Variants in TTBK2 observed in about 807,000 individuals in gnomAD.
TTBK2 encodes the protein tau tubulin kinase 2.
A neutral mutation model predicts 110.8 loss-of-function variants in TTBK2; 28 were observed. The observed-to-expected ratio is 0.25, with a 90% CI of 0.19 to 0.35. TTBK2 has a LOEUF of 0.35. TTBK2 is among the 10% of genes least tolerant of loss of function. The probability of loss-of-function intolerance (pLI) is 1.00; values close to 1 mark genes in which losing one functional copy is unlikely to be tolerated. For synonymous variants in TTBK2, 532 were observed against 527.3 expected (o/e 1.01, Z -0.12); for missense variants, 1,369 against 1,500.3 (o/e 0.91, Z 1.45).
rs1352498233 is a variant in TTBK2, at chr15:42,745,919, C to T, written c.3611G>A (p.Cys1204Tyr). Residue 1204 changes from cysteine (C) to tyrosine (Y), a missense_variant, in exon 15 of 15, where the codon TGC (cysteine) becomes TAC (tyrosine). Coordinates refer to ENST00000267890, the MANE Select transcript of TTBK2 (RefSeq NM_173500.4). ...GCTGGGTTTGCAATGCTCCTGTTGG[C>T]AGGACCTCCTGGAGGAGGAAGATCC... ...HSGSSSSRRS[C>Y]QQEHCKPSKN... The T allele has an allele frequency of 6.2e-7, 1 of 1,614,094 alleles. No individual in the cohort carries two copies. The highest frequency in any genetic ancestry group is 8.5e-7 in the Non-Finnish European group (1 of 1,180,020).
At chr15:42,773,728 G>A (rs932750266) in intron 13 of TTBK2, among the ~76,000 whole-genome samples, 1 of 152,186 alleles carries the variant, frequency 6.6e-6, no homozygotes, top group Non-Finnish European at 1.5e-5. Flanking sequence ...GCATAATAGA[G>A]TTAAAGAACA....
In TTBK2 at chr15:42,738,848, T is replaced by C. The variant is rs2061732651; in HGVS notation, c.*6947A>G. ...TCTAGGGAACTTCTAGATGTGGTAC[T>C]GCATTTACAGTAACACTATCTGCTC... On this transcript the variant is annotated 3_prime_UTR_variant, in exon 15 of 15. Coordinates refer to ENST00000267890, the MANE Select transcript of TTBK2 (RefSeq NM_173500.4). 6.6e-6 allele frequency: 1 copy of C among 152,246 alleles called. No individual in the cohort carries two copies. The highest frequency in any genetic ancestry group is 2.4e-5 in the African/African-American group (1 of 41,464). The allele number at this position is 152,246 out of a possible 1,614,324, so 9.4% of individuals were successfully genotyped here.
rs369689860 is a variant in TTBK2 at position 42,752,711 on chromosome 15, C to G, written c.2535G>C (p.Lys845Asn). The G allele has an allele frequency of 1.2e-6, 2 of 1,613,852 alleles. No individual in the cohort carries two copies. The highest frequency in any genetic ancestry group is 2.7e-5 in the African/African-American group (2 of 74,850). The change falls in exon 14 of 15, where the codon AAG (lysine) becomes AAC (asparagine). Residue 845 changes from lysine (K) to asparagine (N), a missense_variant. Physicochemically the swap from Lys to Asn is moderately conservative, Grantham distance 94 (BLOSUM62 0). This residue lies in a region of TTBK2 where 1,097 missense variants were observed against 1,114.7 expected (regional missense o/e 0.98). Coordinates refer to ENST00000267890, the MANE Select transcript of TTBK2 (RefSeq NM_173500.4). Reference protein sequence around the residue: ...PNQDKNNEIMKLLTVGTSEIS... With the variant: ...PNQDKNNEIMNLLTVGTSEIS... ...TTTCTGAAGTTCCAACTGTCAGAAG[C>G]TTCATTATCTCATTATTTTTGTCTT...
At chr15:42,914,930 A>C (rs1476640401) in intron 1 of TTBK2, among the ~76,000 whole-genome samples, 1 of 152,128 alleles carries the variant, frequency 6.6e-6, no homozygotes, top group Non-Finnish European at 1.5e-5. Flanking sequence ...TCTCCTGCAA[A>C]TCTCTGCTTC....
At chr15:42,787,963 T>C (rs763922359) in intron 10 of TTBK2, among the ~76,000 whole-genome samples, 12 of 152,080 alleles carry the variant, frequency 7.9e-5, no homozygotes, top group African/African-American at 1.2e-4. Flanking sequence ...TATAACCTAT[T>C]GCTCCTAGGT....
rs537179850 is a variant in TTBK2, at chr15:42,802,180, A to G, written c.823-7379T>C. The G allele has an allele frequency of 6.4e-5, 77 of 1,209,992 alleles. 1 individual carries two copies. In the South Asian group the frequency reaches 8.8e-4, roughly 14 times the overall value. 75.0% of individuals were successfully genotyped at this position (1,209,992 alleles called of 1,614,324 possible). On this transcript the variant is annotated intron_variant, in intron 9 of 14. Coordinates refer to ENST00000267890, the MANE Select transcript of TTBK2 (RefSeq NM_173500.4). ...GGCCTGGATGTTGGGGTCCACCTCCAGGTTAAGAGGGCTCAGCAGGCTTTG... is the reference window on the plus strand; with the variant it reads ...GGCCTGGATGTTGGGGTCCACCTCCGGGTTAAGAGGGCTCAGCAGGCTTTG...
At chr15:42,851,914 GAGGA>G (rs1383814207) in intron 3 of TTBK2, among the ~76,000 whole-genome samples, 1 of 152,054 alleles carries the variant, frequency 6.6e-6, no homozygotes, top group Non-Finnish European at 1.5e-5. Context: ...TAGTGAAATG[GAGGA>G]AGGGTTTATG....
intron 3 of TTBK2, among the ~76,000 whole-genome samples, chr15:42,855,787 C>T (rs1893913636): frequency 6.6e-6 from 1 of 152,172 alleles, no homozygotes; most frequent in Admixed American, 6.5e-5. Context: ...CGGGTTCACG[C>T]CATTCTCCTG....
chr15:42,752,317 C>A lies in TTBK2; in HGVS notation c.2929G>T (p.Asp977Tyr), dbSNP rs1193322623. The change falls in exon 14 of 15, where the codon GAC (aspartate) becomes TAC (tyrosine). Residue 977 changes from aspartate (D) to tyrosine (Y), a missense_variant. By Grantham distance (160) the Asp-to-Tyr change is radical. Transcript: ENST00000267890. Reference sequence around the variant, plus strand: ...TTTTCCACCAGAAGCTTGACTAGGTCTGGCTGATAGGCTTTCTTTTGGAGG... The same window carrying A: ...TTTTCCACCAGAAGCTTGACTAGGTATGGCTGATAGGCTTTCTTTTGGAGG... ...KLLQKKAYQPDLVKLLVEKRQ... is the reference protein window; with the variant it reads ...KLLQKKAYQPYLVKLLVEKRQ... 2 of 1,614,068 alleles carry A rather than the reference C, an allele frequency of 1.2e-6. No individual in the cohort carries two copies. The highest frequency in any genetic ancestry group is 1.3e-5 in the African/African-American group (1 of 74,912).
chr15:42,805,446 C>T (rs1471049687), intron 9 of TTBK2, among the ~76,000 whole-genome samples: 1 of 152,134 alleles, frequency 6.6e-6, no homozygotes, highest in Non-Finnish European at 1.5e-5. Context: ...TTTCACAAGA[C>T]AAGCAGTGTT....
intron 1 of TTBK2, among the ~76,000 whole-genome samples, chr15:42,883,057 C>T (rs1435960339): frequency 6.6e-6 from 1 of 152,036 alleles, no homozygotes; most frequent in Non-Finnish European, 1.5e-5. Flanking sequence ...GAAGGGATTT[C>T]CAATGTAAAC....
rs1005683807 is a variant in TTBK2, at chr15:42,779,420, A to AAG, written c.1198-2179_1198-2178insCT. Among the ~76,000 whole-genome samples the AAG allele has an allele frequency of 4.6e-5, 7 of 151,918 alleles. No individual in the cohort carries two copies. In the East Asian group the frequency reaches 1.2e-3, roughly 25 times the overall value. On this transcript the variant is annotated intron_variant, in intron 11 of 14. Coordinates refer to ENST00000267890, the MANE Select transcript of TTBK2 (RefSeq NM_173500.4). ...CAAAACCCTGTCACAAAAAAAAAAA[A>AAG]AAAGAAAGAAAACAAACCAAAAAAA...
At chr15:42,848,539 G>A (rs1237620784) in intron 3 of TTBK2, among the ~76,000 whole-genome samples, 2 of 150,934 alleles carry the variant, frequency 1.3e-5, no homozygotes, top group African/African-American at 4.9e-5. Flanking sequence ...TGCCCAGGCT[G>A]GAGTACAATG....
At chr15:42,828,989 G>C (rs1892645129) in intron 5 of TTBK2, among the ~76,000 whole-genome samples, 1 of 151,772 alleles carries the variant, frequency 6.6e-6, no homozygotes, top group African/African-American at 2.4e-5. Flanking sequence ...TTCTACTTAG[G>C]GGCTTTCTGA....
intron 13 of TTBK2, among the ~76,000 whole-genome samples, chr15:42,756,908 C>T (rs979228147): frequency 6.6e-6 from 1 of 151,608 alleles, no homozygotes; most frequent in African/African-American, 2.4e-5. Flanking sequence ...ACCAAAGCAA[C>T]AACAATAAAA....
At chr15:42,840,567 A>G (rs1893179878) in intron 3 of TTBK2, 134 bp from the exon 4 acceptor site, 2 of 855,972 alleles carry the variant, frequency 2.3e-6, no homozygotes, top group Non-Finnish European at 4.0e-6. Flanking sequence ...TAGAAAACTT[A>G]TATTATTCAA....
At chr15:42,916,362 C>T (rs1009202242) in intron 1 of TTBK2, among the ~76,000 whole-genome samples, 2 of 152,208 alleles carry the variant, frequency 1.3e-5, no homozygotes, top group Non-Finnish European at 2.9e-5. Context: ...GAGTTTCACT[C>T]TGTCACCCAG....
At chr15:42,774,805 T>A (rs927303551) in intron 13 of TTBK2, among the ~76,000 whole-genome samples, 2 of 152,222 alleles carry the variant, frequency 1.3e-5, no homozygotes, top group East Asian at 3.8e-4. Flanking sequence ...TCAGTAAATG[T>A]ATAGTAAAAA....
intron 11 of TTBK2, 105 bp downstream of exon 11, chr15:42,783,314 A>T (rs1890255910): frequency 8.9e-7 from 1 of 1,124,372 alleles, no homozygotes; most frequent in African/African-American, 1.5e-5. Context: ...AGGAGCCACA[A>T]AACAGCCCTC....
Sources: allele counts gnomAD v4.1 joint callset (sites outside exome capture counted in the v4.1 genomes callset), GRCh38; gene constraint gnomAD v4.1.1; regional missense constraint gnomAD v4.1.1; transcripts MANE v1.5; gene names NCBI Gene and HGNC (gene_info 2026-07-23, HGNC 2026-07-21).